The following PTK7 variants were observed in gnomAD, a reference collection of about 807,000 sequenced individuals.
PTK7 encodes protein tyrosine kinase 7 (inactive), also known as inactive tyrosine-protein kinase 7.
Under a neutral mutation model 116.6 loss-of-function variants are expected in PTK7, and 39 were observed. That is an observed-to-expected ratio of 0.33 (90% CI 0.26 to 0.44). The LOEUF is 0.44. PTK7 is among the 20% of genes least tolerant of loss of function. PTK7 has a pLI of 1.00. For synonymous variants in PTK7, 546 were observed against 563.6 expected (o/e 0.97, Z 0.44); for missense variants, 1,169 against 1,425.6 (o/e 0.82, Z 2.90).
At chr6:43,132,941 A>T in intron 7 of PTK7, 1 of 592,654 alleles carries the variant, frequency 1.7e-6, no homozygotes, top group Non-Finnish European at 3.0e-6. Context: ...AAAGAGCAAT[A>T]GACTAGGAAT....
intron 1 of PTK7, among the ~76,000 whole-genome samples, chr6:43,077,949 GT>G (rs1389229528): frequency 1.3e-5 from 2 of 152,220 alleles, no homozygotes; most frequent in Non-Finnish European, 2.9e-5. Flanking sequence ...GTTATTGCTC[GT>G]GGCAGAATCC....
chr6:43,076,560 G>A lies in PTK7; in HGVS notation c.72G>A (p.Leu24=). Residue 24 remains leucine, a synonymous_variant, in exon 1 of 20, where the codon CTG becomes CTA. Transcript: ENST00000230419. The surrounding 1 kb of genome is among the most constrained non-coding windows in gnomAD (Gnocchi z 5.7). The part of the protein sequence containing the change: ...LPLLSVLLLP[L]LGGTQTAIVF... ...TGCTCAGCGTCCTGCTGCTGCCGCT[G>A]CTGGGCGGTGAGTACCCGAGAGTTG... 1 of 1,575,994 alleles carries A rather than the reference G, an allele frequency of 6.3e-7. No individual in the cohort carries two copies. Among genetic ancestry groups the A allele is most frequent in the Non-Finnish European group, 8.6e-7 (1 of 1,166,388 alleles).
intron 1 of PTK7, among the ~76,000 whole-genome samples, chr6:43,088,158 TAGAC>T (rs1766759691): frequency 6.6e-6 from 1 of 151,948 alleles, no homozygotes; most frequent in Admixed American, 6.6e-5. Context: ...AAAGAAAAAT[TAGAC>T]AGCAGCGGTG....
intron 1 of PTK7, among the ~76,000 whole-genome samples, chr6:43,111,756 C>G (rs1218873044): frequency 1.3e-5 from 2 of 151,970 alleles, no homozygotes; most frequent in African/African-American, 2.4e-5. Context: ...TCAACCTGAT[C>G]TCCTGGTCTC....
At chr6:43,077,452 G>T (rs1477920451) in intron 1 of PTK7, among the ~76,000 whole-genome samples, 1 of 152,148 alleles carries the variant, frequency 6.6e-6, no homozygotes, top group African/African-American at 2.4e-5. Context: ...ATTTTAACGA[G>T]GGTGTGGCCC....
chr6:43,150,715 C>A (rs1771010031), intron 17 of PTK7, among the ~76,000 whole-genome samples: 1 of 150,984 alleles, frequency 6.6e-6, no homozygotes, highest in African/African-American at 2.4e-5. Context: ...CAGCCTGGCC[C>A]CTTTACCACC....
In PTK7 at chr6:43,145,147, G is replaced by A; in HGVS notation, c.2408-53G>A. The A allele has an allele frequency of 3.3e-6, 5 of 1,514,594 alleles. No individual in the cohort carries two copies. The highest frequency in any genetic ancestry group is 4.5e-6 in the Non-Finnish European group (5 of 1,119,040). The allele number at this position is 1,514,594 out of a possible 1,614,324, so 93.8% of individuals were successfully genotyped here. On this transcript the variant is annotated intron_variant, in intron 15 of 19. Transcript: ENST00000230419. This position sits in a 1 kb window ranked among gnomAD's most constrained non-coding sequence, Gnocchi z 4.8. ...AGGCTAGGCCCCTCCCCCAGGTCAG[G>A]AGCTGCCTCGGCCTGGGTGAAGGTG...
At chr6:43,131,964 C>T (rs1769706895) in intron 5 of PTK7, 52 bp from the exon 6 acceptor site, 1 of 1,610,244 alleles carries the variant, frequency 6.2e-7, no homozygotes, top group Non-Finnish European at 8.5e-7. Context: ...CATTCCTTTC[C>T]AGAACTAGGC....
chr6:43,154,517 G>C (rs1468438879), intron 17 of PTK7, among the ~76,000 whole-genome samples: 1 of 152,124 alleles, frequency 6.6e-6, no homozygotes, highest in African/African-American at 2.4e-5. Flanking sequence ...CATGAATGAT[G>C]CTCTTACTAA....
intron 17 of PTK7, among the ~76,000 whole-genome samples, chr6:43,151,126 C>G (rs1442487547): frequency 6.6e-6 from 1 of 151,696 alleles, no homozygotes; most frequent in Non-Finnish European, 1.5e-5. Flanking sequence ...CAGCCAGACT[C>G]TGCTTTTTCA....
At chr6:43,082,711 A>C (rs1766446997) in intron 1 of PTK7, among the ~76,000 whole-genome samples, 1 of 152,196 alleles carries the variant, frequency 6.6e-6, no homozygotes. Context: ...CTTTGGGTTT[A>C]AATTGAATTA....
chr6:43,100,400 A>AT (rs1767506816), intron 1 of PTK7, among the ~76,000 whole-genome samples: 2 of 146,724 alleles, frequency 1.4e-5, no homozygotes, highest in African/African-American at 5.2e-5. Flanking sequence ...AAAAAAAATC[A>AT]TTAGGGTTTT....
In PTK7 at chr6:43,147,221, A is replaced by C. The variant is rs3793012; in HGVS notation, c.2721+523A>C. ...TTGGGCTGTAGCTGCCCAGCCTTTC[A>C]TTCCAGTTTTCCTCCTGCCTTTTGC... On this transcript the variant is annotated intron_variant, in intron 17 of 19. Transcript: ENST00000230419. 9.8e-3 allele frequency among the ~76,000 whole-genome samples: 1,487 copies of C among 152,270 alleles called. 63 individuals are homozygous for C. The highest frequency in any genetic ancestry group is 0.07 in the Admixed American group (1,078 of 15,300).
In PTK7 at chr6:43,150,805, TTTTTTTTTTTTC is replaced by T. The variant is rs1425100272; in HGVS notation, c.2721+4108_2721+4119del. On this transcript the variant is annotated intron_variant, in intron 17 of 19. Transcript: ENST00000230419. ...GACTCAGCTTTTTTTTTTTTTTTTT[TTTTTTTTTTTTC>T]CCGAGACAGAGTCTCGCTCTGTCTC... Among the ~76,000 whole-genome samples, 172 of 106,610 alleles carry T rather than the reference TTTTTTTTTTTTC, an allele frequency of 1.6e-3. 4 individuals carry two copies. The highest frequency in any genetic ancestry group is 6.8e-3 in the South Asian group (21 of 3,100). The allele number at this position is 106,610 out of a possible 152,430, so 69.9% of individuals were successfully genotyped here. A position where few individuals can be genotyped will look rare whatever the true frequency, so the allele number is the denominator to read the frequency against.
intron 17 of PTK7, among the ~76,000 whole-genome samples, chr6:43,157,549 G>A: frequency 6.7e-6 from 1 of 149,700 alleles, no homozygotes; most frequent in Non-Finnish European, 1.5e-5. Context: ...AGAAAAGATA[G>A]ACTTTTGAAG....
At chr6:43,142,745 G>A in intron 13 of PTK7, 1 of 217,394 alleles carries the variant, frequency 4.6e-6, no homozygotes, top group Non-Finnish European at 9.4e-6. Flanking sequence ...ACTTGTTTCT[G>A]CATCCACAGG....
rs1770909240 is a variant in PTK7, at chr6:43,149,078, A to AAAAAG, written c.2721+2383_2721+2384insAGAAA. ...TTGTCTCAAAAAAAAAAAAAAAAAA[A>AAAAAG]AAAGAAATGCAGGCCAGGCACAGTG... On this transcript the variant is annotated intron_variant, in intron 17 of 19. Coordinates refer to ENST00000230419, the MANE Select transcript of PTK7 (RefSeq NM_002821.5). Among the ~76,000 whole-genome samples, 3 of 142,034 alleles carry AAAAAG rather than the reference A, an allele frequency of 2.1e-5. No individual in the cohort carries two copies. In the South Asian group the frequency reaches 6.7e-4, roughly 32 times the overall value. 93.2% of individuals were successfully genotyped at this position (142,034 alleles called of 152,430 possible).
chr6:43,137,355 T>C (rs1770101311), intron 7 of PTK7, among the ~76,000 whole-genome samples: 2 of 152,016 alleles, frequency 1.3e-5, no homozygotes, highest in South Asian at 4.1e-4. Context: ...CCCCAGTAGA[T>C]AGGGTTTGGT....
chr6:43,158,580 C>A (rs562347296), intron 17 of PTK7, among the ~76,000 whole-genome samples: 2 of 152,318 alleles, frequency 1.3e-5, no homozygotes, highest in Non-Finnish European at 2.9e-5. Flanking sequence ...CTGGCACTTG[C>A]TGTGTGTCAG....
Sources: allele counts gnomAD v4.1 joint callset (sites outside exome capture counted in the v4.1 genomes callset), GRCh38; gene constraint gnomAD v4.1.1; non-coding constraint Gnocchi (gnomAD v3.1); transcripts MANE v1.5; gene names NCBI Gene and HGNC (gene_info 2026-07-23, HGNC 2026-07-21).